The following TLK1 variants were observed in gnomAD, a reference collection of about 807,000 sequenced individuals.
The protein encoded by TLK1 is tousled like kinase 1.
In TLK1, 24 loss-of-function variants were observed where a neutral mutation model predicts 105.3. That is an observed-to-expected ratio of 0.23 (90% CI 0.17 to 0.32). The LOEUF (loss-of-function observed/expected upper bound fraction) is 0.32, where lower values mean the gene tolerates loss of function less well. TLK1 is among the 10% of genes least tolerant of loss of function. The pLI is 1.00. For missense variants in TLK1, 558 were observed against 910.5 expected, an observed-to-expected ratio of 0.61 and a Z score of 4.98; for synonymous variants, 321 against 310.4, an observed-to-expected ratio of 1.03 and a Z score of -0.36.
Position 171,117,853 on chromosome 2 carries a change from T to A in TLK1, c.144A>T (p.Ala48=). 1 of 1,607,484 alleles carries A rather than the reference T, an allele frequency of 6.2e-7. No homozygotes were observed. Among genetic ancestry groups the A allele is most frequent in the South Asian group, 1.1e-5 (1 of 89,478 alleles). Reference sequence around the variant, plus strand: ...GATCCAGACTATGAAGCTCATCCATTGCACCTATTAAGAAAAAAAAATATA... The same window carrying A: ...GATCCAGACTATGAAGCTCATCCATAGCACCTATTAAGAAAAAAAAATATA... ...TPPSGRPREG[A]MDELHSLDPR... Residue 48 remains alanine, a synonymous_variant, in exon 2 of 21, where the codon GCA becomes GCT. Transcript: ENST00000431350.
chr2:171,181,391 A>T (rs1212815264), intron 1 of TLK1, among the ~76,000 whole-genome samples: 3 of 152,214 alleles, frequency 2.0e-5, no homozygotes, highest in Non-Finnish European at 4.4e-5. Context: ...TACATCCTAA[A>T]GCTTCCCTTC....
intron 13 of TLK1, among the ~76,000 whole-genome samples, chr2:171,014,380 T>A (rs916537209): frequency 5.3e-5 from 8 of 151,640 alleles, no homozygotes; most frequent in African/African-American, 1.5e-4. Flanking sequence ...TTTTTTTTTT[T>A]AAAGAAATGG....
intron 1 of TLK1, among the ~76,000 whole-genome samples, chr2:171,148,710 C>T (rs1691893080): frequency 2.7e-5 from 4 of 150,334 alleles, no homozygotes; most frequent in Admixed American, 2.6e-4. Flanking sequence ...TGGTGACACC[C>T]CCTCTCTACC....
intron 18 of TLK1, among the ~76,000 whole-genome samples, chr2:171,005,882 T>A (rs1559336973): frequency 6.6e-6 from 1 of 152,160 alleles, no homozygotes; most frequent in Non-Finnish European, 1.5e-5. Flanking sequence ...GAATTCTTCC[T>A]GTTAGGAGTT....
chr2:171,176,377 C>T (rs1407903090), intron 1 of TLK1, among the ~76,000 whole-genome samples: 1 of 152,204 alleles, frequency 6.6e-6, no homozygotes, highest in Non-Finnish European at 1.5e-5. Context: ...ACTCTCTGAG[C>T]TCCAACCTCG....
chr2:171,059,349 C>T (rs1687639579), intron 4 of TLK1, among the ~76,000 whole-genome samples: 1 of 152,184 alleles, frequency 6.6e-6, no homozygotes, highest in Non-Finnish European at 1.5e-5. Context: ...TGTTAACACC[C>T]TTCACCCTAC....
At chr2:171,202,542 A>T (rs1693423817) in intron 1 of TLK1, among the ~76,000 whole-genome samples, 2 of 152,046 alleles carry the variant, frequency 1.3e-5, no homozygotes, top group Admixed American at 1.3e-4. Context: ...GCAGAACACG[A>T]GGTCAGGAGT....
chr2:171,148,890 A>AAAAAAAAAAATATAT (rs1445171800), intron 1 of TLK1, among the ~76,000 whole-genome samples: 4 of 138,470 alleles, frequency 2.9e-5, no homozygotes, highest in African/African-American at 1.1e-4. Context: ...AAAAAAAAAA[A>AAAAAAAAAAATATAT]ATATATATAT....
In TLK1 at chr2:171,123,712, G is replaced by A. The variant is rs180953992; in HGVS notation, c.140-5855C>T. On this transcript the variant is annotated intron_variant, in intron 1 of 20. Coordinates refer to ENST00000431350, the MANE Select transcript of TLK1 (RefSeq NM_012290.5). ...TATGGTCGCAGCTACTCAGGAGGCT[G>A]AGGTAGGAGAAGCGCTTGGGGCCAG... 5.9e-5 allele frequency among the ~76,000 whole-genome samples: 9 copies of A among 152,320 alleles called. No homozygotes were observed. In the East Asian group the frequency reaches 1.5e-3, roughly 26 times the overall value.
chr2:171,033,404 TG>T (rs1483714756), intron 11 of TLK1, among the ~76,000 whole-genome samples: 3 of 151,250 alleles, frequency 2.0e-5, no homozygotes, highest in African/African-American at 7.3e-5. Flanking sequence ...AGTAGGATGA[TG>T]GTTACTAGAG....
At chr2:171,019,643 G>C (rs753582098) in intron 12 of TLK1, among the ~76,000 whole-genome samples, 1 of 152,172 alleles carries the variant, frequency 6.6e-6, no homozygotes, top group Non-Finnish European at 1.5e-5. Context: ...AAAACAGGAA[G>C]TATTTTGATG....
chr2:171,004,974 T>C (rs1042604416), intron 18 of TLK1, among the ~76,000 whole-genome samples: 4 of 152,244 alleles, frequency 2.6e-5, no homozygotes, highest in African/African-American at 9.6e-5. Flanking sequence ...TACATGAATA[T>C]GACTAATCCC....
intron 1 of TLK1, among the ~76,000 whole-genome samples, chr2:171,148,132 C>G (rs1365131317): frequency 6.6e-6 from 1 of 152,072 alleles, no homozygotes; most frequent in Non-Finnish European, 1.5e-5. Context: ...CCTCATGATC[C>G]GCCCACCTCG....
intron 1 of TLK1, among the ~76,000 whole-genome samples, chr2:171,133,838 T>G (rs535912526): frequency 6.6e-6 from 1 of 152,162 alleles, no homozygotes; most frequent in East Asian, 1.9e-4. Context: ...TAACATTTAT[T>G]TATGTTTCAT....
At chr2:171,210,762 A>T (rs1043062544) in intron 1 of TLK1, among the ~76,000 whole-genome samples, 1 of 152,190 alleles carries the variant, frequency 6.6e-6, no homozygotes, top group African/African-American at 2.4e-5. Context: ...TACAAGGGAG[A>T]ATTTGCCGGC....
chr2:171,176,855 AAC>A (rs1220628100), intron 1 of TLK1, among the ~76,000 whole-genome samples: 1 of 151,288 alleles, frequency 6.6e-6, no homozygotes, highest in Non-Finnish European at 1.5e-5. Flanking sequence ...TTTTTTTTAA[AAC>A]AGTCTCCCTC....
chr2:171,230,137 A>G (rs989335461), intron 1 of TLK1, among the ~76,000 whole-genome samples: 5 of 152,240 alleles, frequency 3.3e-5, no homozygotes, highest in African/African-American at 1.2e-4. Flanking sequence ...ATTAACTGCT[A>G]CAAAATACAT....
intron 10 of TLK1, 92 bp downstream of exon 10, chr2:171,049,722 A>G: frequency 2.0e-6 from 3 of 1,478,216 alleles, no homozygotes; most frequent in Non-Finnish European, 1.8e-6. Flanking sequence ...AGTAGCGAGG[A>G]ACTGGAGAGC....
At chr2:171,002,316 T>C (rs1282193461) in intron 18 of TLK1, among the ~76,000 whole-genome samples, 5 of 152,202 alleles carry the variant, frequency 3.3e-5, no homozygotes, top group Non-Finnish European at 7.4e-5. Flanking sequence ...TGGAGTGCCA[T>C]GGCACAATCT....
Sources: allele counts gnomAD v4.1 joint callset (sites outside exome capture counted in the v4.1 genomes callset), GRCh38; gene constraint gnomAD v4.1.1; transcripts MANE v1.5; gene names NCBI Gene and HGNC (gene_info 2026-07-23, HGNC 2026-07-21).